ERBB4: variants seen among roughly 807,000 people sequenced by gnomAD.
ERBB4 encodes receptor tyrosine-protein kinase erbB-4.
In ERBB4, 42 loss-of-function variants were observed where a neutral mutation model predicts 158.0. That is an observed-to-expected ratio of 0.27 (90% confidence interval 0.21 to 0.34). ERBB4 has a LOEUF of 0.34. ERBB4 is among the 10% of genes least tolerant of loss of function. The pLI is 1.00. For synonymous variants in ERBB4, 583 were observed against 558.7 expected (o/e 1.04, Z -0.61); for missense variants, 1,333 against 1,624.1 (o/e 0.82, Z 3.08).
At chr2:211,955,816 G>C (rs904630532) in intron 2 of ERBB4, among the ~76,000 whole-genome samples, 2 of 152,014 alleles carry the variant, frequency 1.3e-5, no homozygotes. Context: ...AGGAATCCCT[G>C]AACTACTCCT....
chr2:211,934,666 T>C (rs2080264182), intron 3 of ERBB4, among the ~76,000 whole-genome samples: 3 of 151,858 alleles, frequency 2.0e-5, no homozygotes, highest in African/African-American at 4.8e-5. Context: ...GCTTCAAATA[T>C]AACTAATTGT....
At chr2:212,095,630 A>T (rs547543885) in intron 2 of ERBB4, among the ~76,000 whole-genome samples, 3 of 152,086 alleles carry the variant, frequency 2.0e-5, no homozygotes, top group Admixed American at 2.0e-4. Context: ...TTATGACACA[A>T]TTTCTTAGAC....
chr2:212,402,251 T>C (rs1223073129), intron 1 of ERBB4, among the ~76,000 whole-genome samples: 1 of 152,078 alleles, frequency 6.6e-6, no homozygotes, highest in African/African-American at 2.4e-5. Flanking sequence ...TGAAAAAAAG[T>C]CAATCTCAAA....
chr2:211,756,798 T>C (rs1268371639), intron 4 of ERBB4, among the ~76,000 whole-genome samples: 1 of 152,176 alleles, frequency 6.6e-6, no homozygotes, highest in South Asian at 2.1e-4. Context: ...ACTGTTAGTA[T>C]CATAGACATA....
chr2:211,676,895 A>G (rs2072097702), intron 13 of ERBB4, among the ~76,000 whole-genome samples: 1 of 152,196 alleles, frequency 6.6e-6, no homozygotes. Context: ...TTTTATGTTC[A>G]TAATATTGGG....
At chr2:211,713,830 A>G (rs1057405043) in intron 7 of ERBB4, among the ~76,000 whole-genome samples, 182 bp from the exon 8 acceptor site, 5 of 152,188 alleles carry the variant, frequency 3.3e-5, no homozygotes, top group Non-Finnish European at 4.4e-5. Flanking sequence ...AGTCAAATGC[A>G]ATGTGTGTTA....
intron 2 of ERBB4, among the ~76,000 whole-genome samples, chr2:211,969,804 G>C (rs1373133290): frequency 6.6e-6 from 1 of 151,666 alleles, no homozygotes; most frequent in Non-Finnish European, 1.5e-5. Context: ...TATTAGTCTA[G>C]CTAGTGGTCT....
intron 1 of ERBB4, among the ~76,000 whole-genome samples, chr2:212,314,762 G>C (rs1429727720): frequency 6.6e-6 from 1 of 151,072 alleles, no homozygotes; most frequent in Non-Finnish European, 1.5e-5. Context: ...CTCCATCCAG[G>C]TCCTTTAATC....
At chr2:212,385,778 A>G (rs1202402247) in intron 1 of ERBB4, among the ~76,000 whole-genome samples, 1 of 151,896 alleles carries the variant, frequency 6.6e-6, no homozygotes, top group Non-Finnish European at 1.5e-5. Flanking sequence ...CAGTAATCCT[A>G]TACTTGAGGT....
chr2:211,773,329 G>GTATT (rs1575125047), intron 4 of ERBB4, among the ~76,000 whole-genome samples: 2 of 151,490 alleles, frequency 1.3e-5, no homozygotes, highest in East Asian at 3.9e-4. Context: ...AATATTGTAT[G>GTATT]TATGTGTGTA....
At chr2:211,856,474 C>T (rs2077866255) in intron 3 of ERBB4, among the ~76,000 whole-genome samples, 1 of 151,858 alleles carries the variant, frequency 6.6e-6, no homozygotes, top group Non-Finnish European at 1.5e-5. Flanking sequence ...CAAGCTCTGC[C>T]TCCCGGGTTC....
In ERBB4 at chr2:211,386,812, G is replaced by T. The variant is rs148287339; in HGVS notation, c.3481+41C>A. On this transcript the variant is annotated intron_variant, in intron 27 of 27. Coordinates refer to ENST00000342788, the MANE Select transcript of ERBB4 (RefSeq NM_005235.3). Reference sequence around the variant, plus strand: ...GTACTTTGTTTATCTTGATGGAAGTGAACTTCGAATGGCGATCGTTTCTGA... The same window carrying T: ...GTACTTTGTTTATCTTGATGGAAGTTAACTTCGAATGGCGATCGTTTCTGA... The T allele has an allele frequency of 6.6e-4, 1,059 of 1,599,644 alleles. 7 individuals are homozygous for T. The African/African-American group carries it at 0.012, about 19-fold the overall frequency.
At chr2:212,229,736 T>C (rs962756965) in intron 1 of ERBB4, among the ~76,000 whole-genome samples, 2 of 152,218 alleles carry the variant, frequency 1.3e-5, no homozygotes, top group South Asian at 4.2e-4. Flanking sequence ...GGTTCTGGAA[T>C]AGAAAGGAGA....
chr2:211,456,257 C>T (rs1015950316), intron 20 of ERBB4, among the ~76,000 whole-genome samples: 1 of 152,064 alleles, frequency 6.6e-6, no homozygotes, highest in African/African-American at 2.4e-5. Flanking sequence ...GCAATAATCC[C>T]GTTGTTTTAT....
At chr2:212,098,070 T>G (rs1330046280) in intron 2 of ERBB4, among the ~76,000 whole-genome samples, 1 of 152,056 alleles carries the variant, frequency 6.6e-6, no homozygotes, top group African/African-American at 2.4e-5. Flanking sequence ...GGCCAAAATT[T>G]TAGAAGACTC....
chr2:212,370,881 C>T (rs1233122417), intron 1 of ERBB4, among the ~76,000 whole-genome samples: 2 of 152,010 alleles, frequency 1.3e-5, no homozygotes, highest in Non-Finnish European at 2.9e-5. Context: ...TTTTCAAATA[C>T]CTAAAATTTT....
At chr2:212,173,102 C>T (rs757388113) in intron 1 of ERBB4, among the ~76,000 whole-genome samples, 2 of 152,076 alleles carry the variant, frequency 1.3e-5, no homozygotes, top group Non-Finnish European at 2.9e-5. Flanking sequence ...TCTTTATCTA[C>T]ATTAATTTCT....
At chr2:212,340,047 CTT>C (rs11381212) in intron 1 of ERBB4, among the ~76,000 whole-genome samples, 2 of 146,576 alleles carry the variant, frequency 1.4e-5, no homozygotes, top group Admixed American at 6.8e-5. Context: ...AATTAATATT[CTT>C]TTTTTTTTTT....
intron 25 of ERBB4, among the ~76,000 whole-genome samples, chr2:211,412,502 C>T (rs1176646895): frequency 1.3e-5 from 2 of 152,234 alleles, no homozygotes; most frequent in East Asian, 3.9e-4. Context: ...CCTATAATTC[C>T]TGGCATGTCT....
Sources: allele counts gnomAD v4.1 joint callset (sites outside exome capture counted in the v4.1 genomes callset), GRCh38; gene constraint gnomAD v4.1.1; transcripts MANE v1.5; gene names NCBI Gene and HGNC (gene_info 2026-07-23, HGNC 2026-07-21).